GPC3: variants seen among roughly 807,000 people sequenced by gnomAD.
GPC3 encodes glypican 3.
Under a neutral mutation model 34.4 loss-of-function variants are expected in GPC3, and 3 were observed. The observed-to-expected ratio is 0.09, with a 90% CI of 0.04 to 0.23. GPC3 has a LOEUF of 0.23. Among genes scored for constraint, GPC3 ranks in the 10% least tolerant of loss-of-function variants. GPC3 has a pLI of 1.00. For missense variants in GPC3, 351 were observed against 445.6 expected (o/e 0.79, Z 1.91); for synonymous variants, 177 against 174.0 (o/e 1.02, Z -0.13).
intron 6 of GPC3, among the ~76,000 whole-genome samples, chrX:133,612,883 T>C (rs915321838): frequency 8.9e-6 from 1 of 112,222 alleles, no homozygotes; most frequent in Non-Finnish European, 1.9e-5. Context: ...CATTTAAACA[T>C]GGCCTTCTGG....
In GPC3 at chrX:133,917,820, C is replaced by T. The variant is rs753655886; in HGVS notation, c.337+35230G>A. Among the ~76,000 whole-genome samples, 3 of 111,768 alleles carry T rather than the reference C, an allele frequency of 2.7e-5. No homozygotes were observed. The South Asian group carries it at 1.1e-3, about 42-fold the overall frequency. ...TCATCATTCTATAACTCAGAATTTC[C>T]AAACACCAAAATTGAAAAATGTGAT... On this transcript the variant is annotated intron_variant, in intron 2 of 7. Transcript: ENST00000370818.
chrX:133,976,358 G>A (rs1221864427), intron 1 of GPC3, among the ~76,000 whole-genome samples: 1 of 111,867 alleles, frequency 8.9e-6, no homozygotes, highest in African/African-American at 3.3e-5. Context: ...TGAGATATAT[G>A]AAAGCAAGGC....
chrX:133,554,020 CTT>C (rs375065106), intron 7 of GPC3, among the ~76,000 whole-genome samples: 3 of 94,769 alleles, frequency 3.2e-5, no homozygotes, highest in African/African-American at 9.7e-5. Context: ...CTCTCTCTCT[CTT>C]TTTTTTTTTT....
intron 2 of GPC3, among the ~76,000 whole-genome samples, chrX:133,827,944 C>CAAAAAAAAAAA (rs760699432): frequency 2.5e-4 from 9 of 36,025 alleles, no homozygotes; most frequent in Non-Finnish European, 3.2e-4. Context: ...AACTCCATCC[C>CAAAAAAAAAAA]AAAAAAAAAA....
At chrX:133,680,574 C>T (rs2070931443) in intron 5 of GPC3, among the ~76,000 whole-genome samples, 1 of 111,922 alleles carries the variant, frequency 8.9e-6, no homozygotes, top group African/African-American at 3.2e-5. Context: ...GAGACAAACC[C>T]ATGGATCAAA....
At chrX:133,891,063 T>C (rs2076084705) in intron 2 of GPC3, among the ~76,000 whole-genome samples, 1 of 109,822 alleles carries the variant, frequency 9.1e-6, no homozygotes, top group Non-Finnish European at 1.9e-5. Flanking sequence ...ATAAAATGTA[T>C]ATACAGGTAT....
intron 3 of GPC3, among the ~76,000 whole-genome samples, chrX:133,701,640 A>G (rs2071168850): frequency 8.9e-6 from 1 of 112,191 alleles, no homozygotes; most frequent in African/African-American, 3.2e-5. Context: ...CGCTATTCAG[A>G]ATGGATTTTG....
intron 2 of GPC3, among the ~76,000 whole-genome samples, chrX:133,879,191 A>G (rs761396021): frequency 5.3e-4 from 59 of 110,887 alleles, no homozygotes; most frequent in South Asian, 1.2e-3. Flanking sequence ...AATTATTTAC[A>G]TAGGGTTAAG....
chrX:133,569,201 G>A (rs1569384912), intron 7 of GPC3, among the ~76,000 whole-genome samples: 1 of 111,439 alleles, frequency 9.0e-6, no homozygotes, highest in Non-Finnish European at 1.9e-5. Context: ...AAAGGCAGAC[G>A]AAGATGAACT....
At chrX:133,703,489 C>G (rs1204614667) in intron 3 of GPC3, among the ~76,000 whole-genome samples, 3 of 102,931 alleles carry the variant, frequency 2.9e-5, no homozygotes, top group African/African-American at 1.1e-4. Flanking sequence ...AAGACAGAGT[C>G]TCACTCAGTC....
chrX:133,711,872 C>T (rs913514444), intron 3 of GPC3, among the ~76,000 whole-genome samples: 1 of 111,791 alleles, frequency 8.9e-6, no homozygotes, highest in East Asian at 2.8e-4. Flanking sequence ...TTATGCAAAC[C>T]ATAATCTTTG....
At chrX:133,935,163 T>C (rs1239126260) in intron 2 of GPC3, among the ~76,000 whole-genome samples, 2 of 112,055 alleles carry the variant, frequency 1.8e-5, no homozygotes, top group Non-Finnish European at 3.8e-5. Flanking sequence ...TTTTCTAATC[T>C]TGCTTCCTTT....
chrX:133,827,188 G>C (rs1462039284), intron 2 of GPC3, among the ~76,000 whole-genome samples: 1 of 111,889 alleles, frequency 8.9e-6, no homozygotes, highest in Non-Finnish European at 1.9e-5. Context: ...TTTGTTACTA[G>C]CTGACTTGTG....
intron 7 of GPC3, among the ~76,000 whole-genome samples, chrX:133,596,211 A>G (rs1324034753): frequency 8.9e-6 from 1 of 111,838 alleles, no homozygotes; most frequent in Non-Finnish European, 1.9e-5. Context: ...ATAATGAAAA[A>G]CAGGAAGTTA....
intron 4 of GPC3, among the ~76,000 whole-genome samples, chrX:133,693,202 A>T (rs867854375): frequency 5.3e-4 from 52 of 97,341 alleles, no homozygotes; most frequent in East Asian, 6.0e-4. Flanking sequence ...TGTGTGTGTG[A>T]GACAGAGAGA....
intron 6 of GPC3, among the ~76,000 whole-genome samples, chrX:133,605,977 G>C: frequency 8.9e-6 from 1 of 112,040 alleles, no homozygotes; most frequent in Non-Finnish European, 1.9e-5. Context: ...ATATGTTCTT[G>C]CCTGGGCCTT....
intron 6 of GPC3, among the ~76,000 whole-genome samples, chrX:133,650,237 C>A (rs756173435): frequency 1.8e-5 from 2 of 111,303 alleles, no homozygotes; most frequent in African/African-American, 6.5e-5. Context: ...GATTAACTTG[C>A]CCTGATCTTT....
At chrX:133,801,495 T>G in intron 2 of GPC3, among the ~76,000 whole-genome samples, 1 of 111,812 alleles carries the variant, frequency 8.9e-6, no homozygotes. Context: ...CGAACGCATT[T>G]TATAAAATCA....
chrX:133,537,477 G>C (rs1023165901), intron 7 of GPC3, among the ~76,000 whole-genome samples: 1 of 111,380 alleles, frequency 9.0e-6, no homozygotes, highest in Non-Finnish European at 1.9e-5. Flanking sequence ...GGAAGAAAGC[G>C]TGGGGACTCA....
Sources: allele counts gnomAD v4.1 joint callset (sites outside exome capture counted in the v4.1 genomes callset), GRCh38; gene constraint gnomAD v4.1.1; transcripts MANE v1.5; gene names NCBI Gene and HGNC (gene_info 2026-07-23, HGNC 2026-07-21).